Variants in POF1B observed in about 807,000 individuals in gnomAD.
The protein encoded by POF1B is POF1B actin binding protein.
Under a neutral mutation model 55.3 loss-of-function variants are expected in POF1B, and 53 were observed. The ratio of observed to expected loss-of-function variants is 0.96; its 90% confidence interval spans 0.77 to 1.20. POF1B has a LOEUF of 1.20. POF1B is among the 50% of genes most tolerant of loss of function. The probability of loss-of-function intolerance (pLI) is 0.00; values close to 1 mark genes in which losing one functional copy is unlikely to be tolerated. For synonymous variants in POF1B, 188 were observed against 148.3 expected (o/e 1.27, Z -1.95); for missense variants, 478 against 420.5 (o/e 1.14, Z -1.20).
intron 6 of POF1B, among the ~76,000 whole-genome samples, chrX:85,333,961 G>T (rs935877650): frequency 2.8e-5 from 3 of 105,269 alleles, no homozygotes; most frequent in African/African-American, 6.9e-5. Flanking sequence ...TGGGAGGGGG[G>T]AGGGCTGAGG....
intron 15 of POF1B, 94 bp downstream of exon 15, chrX:85,303,312 C>G: frequency 1.9e-6 from 1 of 531,088 alleles, no homozygotes; most frequent in Non-Finnish European, 2.9e-6. Flanking sequence ...AAACACCAAA[C>G]TCTGTCTAGC....
At chrX:85,281,296 G>A (rs1409504054) in intron 16 of POF1B, among the ~76,000 whole-genome samples, 1 of 109,954 alleles carries the variant, frequency 9.1e-6, no homozygotes, top group Admixed American at 9.7e-5. Context: ...AGTAAGATGT[G>A]CATAGGTTAT....
rs1269772013 is a variant in POF1B at position 85,306,219 on chromosome X, G to A, written c.1279C>T (p.Arg427Cys). The A allele has an allele frequency of 8.3e-6, 10 of 1,202,096 alleles. No homozygotes were observed. The highest frequency in any genetic ancestry group is 1.8e-5 in the South Asian group (1 of 55,924). Residue 427 changes from arginine to cysteine, a missense_variant, in exon 12 of 17, where the codon CGT becomes TGT. Arg to Cys is a radical substitution (Grantham distance 180). Coordinates refer to ENST00000262753, the MANE Select transcript of POF1B (RefSeq NM_024921.4). ...TTTTGATTCTCTTGCTCTAAATTAC[G>A]TTTACAATATTCCAGTTCTTTTAGT... ...YRLKELEYCK[R>C]NLEQENQNLR...
Position 85,306,226 on chromosome X carries a change from A to G in POF1B, c.1272T>C (p.Tyr424=). Residue 424 remains tyrosine (Y), a synonymous_variant, in exon 12 of 17, where the codon TAT becomes TAC. Transcript: ENST00000262753. The part of the protein sequence containing the change: ...DMEYRLKELE[Y]CKRNLEQENQ... ...TCTCTTGCTCTAAATTACGTTTACA[A>G]TATTCCAGTTCTTTTAGTCTGTATT... 5 of 1,205,445 alleles carry G rather than the reference A, an allele frequency of 4.1e-6. No homozygotes were observed. Among genetic ancestry groups the G allele is most frequent in the Non-Finnish European group, 5.6e-6 (5 of 890,559 alleles).
intron 4 of POF1B, among the ~76,000 whole-genome samples, chrX:85,352,867 C>T (rs1283899601): frequency 9.0e-6 from 1 of 110,938 alleles, no homozygotes; most frequent in African/African-American, 3.3e-5. Flanking sequence ...TTTATTCTGT[C>T]CTCAAGCTAA....
chrX:85,295,426 A>G (rs1192087632), intron 15 of POF1B, among the ~76,000 whole-genome samples: 2 of 110,527 alleles, frequency 1.8e-5, no homozygotes, highest in African/African-American at 6.6e-5. Context: ...TTATTTCTCT[A>G]TTTTCATTAA....
At chrX:85,330,721 G>T (rs1024025731) in intron 7 of POF1B, among the ~76,000 whole-genome samples, 6 of 111,419 alleles carry the variant, frequency 5.4e-5, no homozygotes, top group African/African-American at 2.0e-4. Flanking sequence ...TAATGTAAAT[G>T]ACGAGTTAAT....
At position 85,359,600 on chromosome X, in the gene POF1B, T is replaced by C; in HGVS notation, c.388A>G (p.Thr130Ala). 8.3e-7 allele frequency: 1 copy of C among 1,202,253 alleles called. No homozygotes were observed. The highest frequency in any genetic ancestry group is 1.1e-6 in the Non-Finnish European group (1 of 890,012). ...ELHSPTVKLT[T>A]YPQTTIRKYV... The stretch of plus-strand genomic sequence containing the variant: ...TTCCTAATAGTGGTCTGTGGATATG[T>C]AGTAAGTTTCACTGTTGGAGAATGA... The change falls in exon 4 of 17, where the codon ACA becomes GCA. Residue 130 changes from threonine to alanine, a missense_variant. Physicochemically the swap from Thr to Ala is moderately conservative, Grantham distance 58. Transcript: ENST00000262753.
intron 7 of POF1B, among the ~76,000 whole-genome samples, chrX:85,328,361 G>C (rs1219091416): frequency 9.2e-6 from 1 of 108,912 alleles, no homozygotes; most frequent in East Asian, 2.9e-4. Flanking sequence ...CCCGCCACTA[G>C]GCCCGGCTAA....
At chrX:85,309,712 C>T (rs1437419300) in intron 9 of POF1B, among the ~76,000 whole-genome samples, 1 of 111,606 alleles carries the variant, frequency 9.0e-6, no homozygotes, top group African/African-American at 3.3e-5. Context: ...CTTAGCCAAA[C>T]ACCACAGAAG....
chrX:85,342,655 C>T (rs1933194147), intron 6 of POF1B, among the ~76,000 whole-genome samples: 1 of 111,472 alleles, frequency 9.0e-6, no homozygotes, highest in South Asian at 3.7e-4. Context: ...AAATTGAATG[C>T]CTGTGTTCTA....
intron 9 of POF1B, among the ~76,000 whole-genome samples, chrX:85,310,009 A>G (rs1004668246): frequency 3.6e-5 from 4 of 112,010 alleles, no homozygotes; most frequent in African/African-American, 1.3e-4. Context: ...TAGGTAGTGC[A>G]CACACTTTCT....
chrX:85,313,186 G>T (rs1442805295), intron 9 of POF1B, among the ~76,000 whole-genome samples: 1 of 111,308 alleles, frequency 9.0e-6, no homozygotes, highest in Non-Finnish European at 1.9e-5. Context: ...TTGCCTTGTT[G>T]CCCTGGCCAG....
intron 5 of POF1B, among the ~76,000 whole-genome samples, chrX:85,349,348 G>T (rs1461802063): frequency 9.0e-6 from 1 of 111,002 alleles, no homozygotes; most frequent in Non-Finnish European, 1.9e-5. Flanking sequence ...CGTTTGATTT[G>T]CATATGAAAA....
chrX:85,323,246 C>T (rs1040257644), intron 7 of POF1B, among the ~76,000 whole-genome samples: 2 of 111,120 alleles, frequency 1.8e-5, no homozygotes, highest in Non-Finnish European at 3.8e-5. Flanking sequence ...ACATATACAC[C>T]GTGGAATACT....
chrX:85,331,053 T>C lies in POF1B; in HGVS notation c.750A>G (p.Glu250=). 8.3e-7 allele frequency: 1 copy of C among 1,207,066 alleles called. No homozygotes were observed. Among genetic ancestry groups the C allele is most frequent in the Non-Finnish European group, 1.1e-6 (1 of 893,100 alleles). Residue 250 remains glutamate, a synonymous_variant, in exon 7 of 17, where the codon GAA becomes GAG. Transcript: ENST00000262753. Reference sequence around the variant, plus strand: ...CTCCAAAATATCTGGGGTCCAATTTTTCAGGGCCATCATCCTGAATTATCA... The same window carrying C: ...CTCCAAAATATCTGGGGTCCAATTTCTCAGGGCCATCATCCTGAATTATCA... The part of the protein sequence containing the change: ...EQVIIQDDGP[E]KLDPRYFGEL...
intron 15 of POF1B, among the ~76,000 whole-genome samples, chrX:85,297,279 T>C (rs1310921041): frequency 2.7e-5 from 3 of 112,450 alleles, no homozygotes; most frequent in African/African-American, 6.5e-5. Flanking sequence ...TGTTTGAAGA[T>C]AAAGGGAAAC....
At chrX:85,312,738 A>C (rs945613181) in intron 9 of POF1B, among the ~76,000 whole-genome samples, 1 of 111,357 alleles carries the variant, frequency 9.0e-6, no homozygotes, top group African/African-American at 3.3e-5. Flanking sequence ...TGATGGGGTT[A>C]GCACTGAATC....
rs150511111 is a variant in POF1B at position 85,367,759 on chromosome X, T to C, written c.290A>G (p.His97Arg). The C allele has an allele frequency of 3.5e-6, 4 of 1,139,331 alleles. No individual in the cohort carries two copies. The African/African-American group carries it at 7.5e-5, about 21-fold the overall frequency. 93.9% of individuals were successfully genotyped at this position (1,139,331 alleles called of 1,213,427 possible). A position where few individuals can be genotyped will look rare whatever the true frequency, so the allele number is the denominator to read the frequency against. ...TGTAGATATTTTTAAAGTTGGAGAATGGAGTTCCTGTTAAGAGAAACAAAA... is the reference window on the plus strand; with the variant it reads ...TGTAGATATTTTTAAAGTTGGAGAACGGAGTTCCTGTTAAGAGAAACAAAA... ...LVWSDHSQELHSPTLKISTCA... is the reference protein window; with the variant it reads ...LVWSDHSQELRSPTLKISTCA... Residue 97 changes from histidine (H) to arginine (R), a missense_variant, in exon 3 of 17, where the codon CAT becomes CGT. Transcript: ENST00000262753.
Sources: allele counts gnomAD v4.1 joint callset (sites outside exome capture counted in the v4.1 genomes callset), GRCh38; gene constraint gnomAD v4.1.1; transcripts MANE v1.5; gene names NCBI Gene and HGNC (gene_info 2026-07-23, HGNC 2026-07-21).